PTPRS: variants seen among roughly 807,000 people sequenced by gnomAD.
PTPRS encodes receptor-type tyrosine-protein phosphatase S.
PTPRS carries 63 observed loss-of-function variants against 215.3 expected under a neutral mutation model. The ratio of observed to expected loss-of-function variants is 0.29; its 90% CI spans 0.24 to 0.36. The LOEUF is 0.36. Ranked by LOEUF, PTPRS falls within the 10% of genes least tolerant of loss-of-function variation. PTPRS has a pLI of 1.00. For missense variants in PTPRS, 2,258 were observed against 2,825.8 expected, an observed-to-expected ratio of 0.80 and a Z score of 4.56; for synonymous variants, 1,404 against 1,191.4, an observed-to-expected ratio of 1.18 and a Z score of -3.68.
chr19:5,240,393 C>T (rs1420750273), intron 11 of PTPRS, 61 bp from the exon 12 acceptor site: 1 of 1,467,628 alleles, frequency 6.8e-7, no homozygotes. Flanking sequence ...AAGGGGGCCC[C>T]ACCTGCTGAG....
Position 5,286,247 on chromosome 19 carries a change from T to A in PTPRS, c.-94-13A>T. ...GATGGGGCAACGTCTGCAGAGACAATGGAGGGCTGTGAGAGGCGAGTGGGG... is the reference window on the plus strand; with the variant it reads ...GATGGGGCAACGTCTGCAGAGACAAAGGAGGGCTGTGAGAGGCGAGTGGGG... On this transcript the variant is annotated splice_polypyrimidine_tract_variant and intron_variant, in intron 1 of 37. Transcript: ENST00000262963. The A allele has an allele frequency of 8.0e-7, 1 of 1,250,704 alleles. No homozygotes were observed. The highest frequency in any genetic ancestry group is 1.1e-6 in the Non-Finnish European group (1 of 879,426). The allele number at this position is 1,250,704 out of a possible 1,614,324, so 77.5% of individuals were successfully genotyped here.
chr19:5,214,384 C>A lies in PTPRS; in HGVS notation c.4591G>T (p.Val1531Phe), dbSNP rs772384138. 1.2e-6 allele frequency: 2 copies of A among 1,614,144 alleles called. No homozygotes were observed. Among genetic ancestry groups the A allele is most frequent in the Non-Finnish European group, 1.7e-6 (2 of 1,180,032 alleles). Residue 1531 changes from valine (V) to phenylalanine (F), a missense_variant, in exon 30 of 38, where the codon GTC becomes TTC. Val to Phe is a conservative substitution (Grantham distance 50). Coordinates refer to ENST00000262963, the MANE Select transcript of PTPRS (RefSeq NM_002850.4). ...ACCTTGTGCAGAGAGAATGTCCTGA[C>A]GCAGAATGTGGCCAGCTCGATGGTA... ...LDTIELATFC[V>F]RTFSLHKNGS...
At chr19:5,234,025 A>G (rs2043231555) in intron 13 of PTPRS, among the ~76,000 whole-genome samples, 2 of 148,988 alleles carry the variant, frequency 1.3e-5, no homozygotes, top group Admixed American at 6.7e-5. Context: ...AGAAGCCCCA[A>G]TTATTAGCTA....
chr19:5,240,889 ATTTT>A (rs35045025), intron 11 of PTPRS, among the ~76,000 whole-genome samples: 3 of 106,338 alleles, frequency 2.8e-5, no homozygotes, highest in East Asian at 2.9e-4. Context: ...AATCCCCTTC[ATTTT>A]TTTTTTTTTT....
At chr19:5,263,518 G>A (rs991922474) in intron 5 of PTPRS, among the ~76,000 whole-genome samples, 3 of 151,682 alleles carry the variant, frequency 2.0e-5, no homozygotes, top group South Asian at 2.1e-4. Flanking sequence ...CGGGATCCTC[G>A]GAGGAAGGGG....
intron 7 of PTPRS, among the ~76,000 whole-genome samples, chr19:5,260,472 G>T (rs1012552754): frequency 1.8e-4 from 28 of 152,172 alleles, no homozygotes; most frequent in African/African-American, 6.8e-4. Context: ...GAACCACCGC[G>T]CCCGGCCTGC....
rs1392027394 is a variant in PTPRS at position 5,286,160 on chromosome 19, T to C, written c.-20A>G. 3.1e-6 allele frequency: 5 copies of C among 1,612,028 alleles called. No homozygotes were observed. The highest frequency in any genetic ancestry group is 4.5e-5 in the East Asian group (2 of 44,812). ...CGCCATGCTTGGCAGCGACCTCCGA[T>C]CTCCGCCCTGGAGGGGGATGGCCCC... On this transcript the variant is annotated 5_prime_UTR_variant, in exon 2 of 38. Coordinates refer to ENST00000262963, the MANE Select transcript of PTPRS (RefSeq NM_002850.4).
At chr19:5,212,309 C>A (rs760280767) in intron 31 of PTPRS, 28 bp downstream of exon 31, 1 of 1,609,810 alleles carries the variant, frequency 6.2e-7, no homozygotes, top group Non-Finnish European at 8.5e-7. Context: ...CGGGGGGAAG[C>A]GGATGGGGCA....
intron 5 of PTPRS, among the ~76,000 whole-genome samples, chr19:5,263,517 C>T (rs960173713): frequency 4.5e-4 from 69 of 151,942 alleles, no homozygotes; most frequent in African/African-American, 1.5e-3. Flanking sequence ...GCGGGATCCT[C>T]GGAGGAAGGG....
chr19:5,218,759 G>T, intron 24 of PTPRS, 28 bp downstream of exon 24: 1 of 1,611,996 alleles, frequency 6.2e-7, no homozygotes, highest in Non-Finnish European at 8.5e-7. Flanking sequence ...CTTGCCTGAA[G>T]CCTCCACGGG....
At position 5,218,782 on chromosome 19, in the gene PTPRS, C is replaced by T. The variant is rs758580447; in HGVS notation, c.3935+5G>A. On this transcript the variant is annotated splice_donor_5th_base_variant and intron_variant, in intron 24 of 37. Coordinates refer to ENST00000262963, the MANE Select transcript of PTPRS (RefSeq NM_002850.4). Reference sequence around the variant, plus strand: ...AAGCCTCCACGGGGGAGGGCTGGTTCTTACCTGTCGGGTTTGCTGTTCCCG... The same window carrying T: ...AAGCCTCCACGGGGGAGGGCTGGTTTTTACCTGTCGGGTTTGCTGTTCCCG... The T allele has an allele frequency of 1.2e-6, 2 of 1,610,438 alleles. No individual in the cohort carries two copies. Among genetic ancestry groups the T allele is most frequent in the Non-Finnish European group, 1.7e-6 (2 of 1,178,696 alleles).
At chr19:5,279,807 C>T (rs980055406) in intron 2 of PTPRS, among the ~76,000 whole-genome samples, 6 of 152,134 alleles carry the variant, frequency 3.9e-5, no homozygotes, top group Admixed American at 6.6e-5. Flanking sequence ...CTCAGCCTCC[C>T]GAGTAGCTGG....
chr19:5,279,867 T>C (rs2047701435), intron 2 of PTPRS, among the ~76,000 whole-genome samples: 3 of 152,116 alleles, frequency 2.0e-5, no homozygotes, highest in South Asian at 4.2e-4. Flanking sequence ...GCATTTTTAG[T>C]AGAGACGGGG....
At position 5,244,598 on chromosome 19, in the gene PTPRS, A is replaced by G; in HGVS notation, c.989-116T>C. The G allele has an allele frequency of 5.0e-6, 4 of 798,984 alleles. No individual in the cohort carries two copies. Among genetic ancestry groups the G allele is most frequent in the South Asian group, 1.8e-5 (1 of 55,606 alleles). The allele number at this position is 798,984 out of a possible 1,614,324, so 49.5% of individuals were successfully genotyped here. A position where few individuals can be genotyped will look rare whatever the true frequency, so the allele number is the denominator to read the frequency against. ...CTGAGCCTTGATTTGCCCAGCAGTA[A>G]TCATGGGCCTCATGACTCCTGTCAT... On this transcript the variant is annotated intron_variant, in intron 10 of 37. Transcript: ENST00000262963. The surrounding 1 kb of genome is among the most constrained non-coding windows in gnomAD (Gnocchi z 7.2).
rs1168287643 is a variant in PTPRS, at chr19:5,208,228, G to A, written c.5642+9C>T. 6.3e-7 allele frequency: 1 copy of A among 1,584,174 alleles called. No individual in the cohort carries two copies. Among genetic ancestry groups the A allele is most frequent in the South Asian group, 1.2e-5 (1 of 86,658 alleles). ...AGGGCCAAAAGCTGGGACACTCGAGGGAGCTCACCTGCAGTGGACAGAGAT... is the reference window on the plus strand; with the variant it reads ...AGGGCCAAAAGCTGGGACACTCGAGAGAGCTCACCTGCAGTGGACAGAGAT... On this transcript the variant is annotated intron_variant, in intron 36 of 37. Coordinates refer to ENST00000262963, the MANE Select transcript of PTPRS (RefSeq NM_002850.4).
chr19:5,229,459 C>A, intron 15 of PTPRS, 32 bp downstream of exon 15: 1 of 1,383,432 alleles, frequency 7.2e-7, no homozygotes, highest in South Asian at 1.7e-5. Context: ...GCCCGGAGCC[C>A]GTCCCCGGCC....
intron 13 of PTPRS, 108 bp from the exon 14 acceptor site, chr19:5,231,723 TAACA>T (rs958997853): frequency 2.5e-5 from 8 of 320,256 alleles, no homozygotes; most frequent in East Asian, 2.4e-4. Context: ...AAGAAGATGA[TAACA>T]AACAAAACAG....
chr19:5,299,225 C>G (rs2049230757), intron 1 of PTPRS, among the ~76,000 whole-genome samples: 2 of 152,182 alleles, frequency 1.3e-5, no homozygotes. Flanking sequence ...CTCCTGGTGG[C>G]CCACAAGGCC....
intron 9 of PTPRS, among the ~76,000 whole-genome samples, chr19:5,252,144 G>A (rs901933776): frequency 6.6e-6 from 1 of 152,156 alleles, no homozygotes; most frequent in African/African-American, 2.4e-5. Context: ...CCTGGGAATC[G>A]GGCAATCTAG....
Sources: allele counts gnomAD v4.1 joint callset (sites outside exome capture counted in the v4.1 genomes callset), GRCh38; gene constraint gnomAD v4.1.1; non-coding constraint Gnocchi (gnomAD v3.1); transcripts MANE v1.5; gene names NCBI Gene and HGNC (gene_info 2026-07-23, HGNC 2026-07-21).